Variants in SYT2 observed in about 807,000 individuals in gnomAD.
SYT2 encodes the protein synaptotagmin 2, also known as synaptotagmin-2.
Under a neutral mutation model 39.9 loss-of-function variants are expected in SYT2, and 15 were observed. The ratio of observed to expected loss-of-function variants is 0.38; its 90% CI spans 0.25 to 0.58. The LOEUF (loss-of-function observed/expected upper bound fraction) is 0.58. SYT2 is among the 20% of genes least tolerant of loss of function. SYT2 has a pLI of 0.70. For synonymous variants in SYT2, 181 were observed against 204.5 expected, an observed-to-expected ratio of 0.89 and a Z score of 0.98; for missense variants, 389 against 530.3, an observed-to-expected ratio of 0.73 and a Z score of 2.62.
chr1:202,683,752 A>AG (rs956962166), intron 1 of SYT2, among the ~76,000 whole-genome samples: 13 of 151,370 alleles, frequency 8.6e-5, no homozygotes, highest in African/African-American at 3.2e-4. Flanking sequence ...AAAAAAAAAA[A>AG]AAAAAGAGTG....
rs543839160 is a variant in SYT2, at chr1:202,681,109, G to A, written c.-18+29149C>T. Among the ~76,000 whole-genome samples the A allele has an allele frequency of 2.0e-5, 3 of 151,602 alleles. No homozygotes were observed. The South Asian group carries it at 6.3e-4, about 32-fold the overall frequency. The stretch of plus-strand genomic sequence containing the variant: ...TCCTCCCCACCCCTGGTCCCACCCT[G>A]GCTCCTGGTCTCACCTAGATCAAGC... On this transcript the variant is annotated intron_variant, in intron 1 of 8. Transcript: ENST00000367268.
At chr1:202,696,930 A>C (rs1440618503) in intron 1 of SYT2, among the ~76,000 whole-genome samples, 1 of 151,254 alleles carries the variant, frequency 6.6e-6, no homozygotes, top group Non-Finnish European at 1.5e-5. Flanking sequence ...CCTCCCCATC[A>C]CCTCTCCCCC....
chr1:202,673,238 A>G (rs1030000883), intron 1 of SYT2, among the ~76,000 whole-genome samples: 8 of 152,226 alleles, frequency 5.3e-5, no homozygotes, highest in African/African-American at 1.9e-4. Flanking sequence ...TGTCTGAACT[A>G]TAAGTACTAT....
At chr1:202,671,565 G>A (rs901724807) in intron 1 of SYT2, among the ~76,000 whole-genome samples, 1 of 152,248 alleles carries the variant, frequency 6.6e-6, no homozygotes, top group Non-Finnish European at 1.5e-5. Flanking sequence ...GAGGGCATTT[G>A]TCCCTCAGGA....
At chr1:202,622,554 C>CA (rs200023361) in intron 1 of SYT2, among the ~76,000 whole-genome samples, 12,967 of 152,240 alleles carry the variant, frequency 0.085, 883 homozygotes, top group African/African-American at 0.18. Flanking sequence ...TCGCTGAGAT[C>CA]AGCAATTCCA....
intron 1 of SYT2, among the ~76,000 whole-genome samples, chr1:202,621,924 A>ATG (rs1001267497): frequency 2.8e-4 from 43 of 152,262 alleles, no homozygotes; most frequent in African/African-American, 9.4e-4. Flanking sequence ...AAAAGCATAT[A>ATG]TGTGTGTGTG....
chr1:202,678,153 G>A (rs777896059), intron 1 of SYT2, among the ~76,000 whole-genome samples: 26 of 151,714 alleles, frequency 1.7e-4, no homozygotes, highest in South Asian at 1.0e-3. Flanking sequence ...AGGCATCTGT[G>A]ATCCCAGCTA....
intron 1 of SYT2, among the ~76,000 whole-genome samples, chr1:202,705,622 C>G (rs971805371): frequency 6.6e-6 from 1 of 152,166 alleles, no homozygotes; most frequent in Non-Finnish European, 1.5e-5. Context: ...ATCTAACCTC[C>G]TCCCTGGCAC....
chr1:202,698,931 G>A (rs551022981), intron 1 of SYT2, among the ~76,000 whole-genome samples: 1 of 151,682 alleles, frequency 6.6e-6, no homozygotes, highest in South Asian at 2.1e-4. Context: ...ATTTGTGGAG[G>A]ATTTCAGTTC....
At chr1:202,652,161 A>C (rs201216805) in intron 1 of SYT2, among the ~76,000 whole-genome samples, 12 of 152,204 alleles carry the variant, frequency 7.9e-5, no homozygotes, top group Admixed American at 6.5e-4. Flanking sequence ...GGCTGATGCC[A>C]GTGGAAGGGG....
chr1:202,678,888 A>G (rs1293890667), intron 1 of SYT2, among the ~76,000 whole-genome samples: 1 of 151,616 alleles, frequency 6.6e-6, no homozygotes, highest in African/African-American at 2.4e-5. Flanking sequence ...CCCCCACCCA[A>G]CTACTGACCC....
At chr1:202,681,178 G>A (rs1653516635) in intron 1 of SYT2, among the ~76,000 whole-genome samples, 1 of 151,834 alleles carries the variant, frequency 6.6e-6, no homozygotes, top group African/African-American at 2.4e-5. Context: ...GCCATAAGAA[G>A]CTCACTTTCC....
At chr1:202,669,757 CAAA>C (rs796796757) in intron 1 of SYT2, among the ~76,000 whole-genome samples, 11 of 84,054 alleles carry the variant, frequency 1.3e-4, no homozygotes, top group Admixed American at 1.3e-4. Flanking sequence ...GACCCTGTCT[CAAA>C]AAAAAAAAAA....
chr1:202,603,174 G>T, intron 3 of SYT2, 56 bp from the exon 4 acceptor site: 2 of 1,603,928 alleles, frequency 1.2e-6, no homozygotes, highest in Non-Finnish European at 1.7e-6. Flanking sequence ...CGAGAAGTCT[G>T]GCTTAGCACA....
chr1:202,617,899 G>C (rs903747638), intron 1 of SYT2, among the ~76,000 whole-genome samples: 1 of 152,114 alleles, frequency 6.6e-6, no homozygotes, highest in Non-Finnish European at 1.5e-5. Flanking sequence ...ACTTGTTTAC[G>C]CATTTTTTGT....
Position 202,674,803 on chromosome 1 carries a change from G to A in SYT2, c.-18+35455C>T, listed in dbSNP as rs563168160. Reference sequence around the variant, plus strand: ...TCTCTCACCTTCACACACTGCTCTGGTCACACTGGCCTCCCACATGTCCCC... The same window carrying A: ...TCTCTCACCTTCACACACTGCTCTGATCACACTGGCCTCCCACATGTCCCC... On this transcript the variant is annotated intron_variant, in intron 1 of 8. Coordinates refer to ENST00000367268, the MANE Select transcript of SYT2 (RefSeq NM_177402.5). 1.3e-4 allele frequency among the ~76,000 whole-genome samples: 20 copies of A among 152,142 alleles called. No individual in the cohort carries two copies. The South Asian group carries it at 3.7e-3, about 28-fold the overall frequency.
intron 1 of SYT2, among the ~76,000 whole-genome samples, chr1:202,675,850 T>A (rs1425596940): frequency 6.6e-6 from 1 of 152,234 alleles, no homozygotes; most frequent in African/African-American, 2.4e-5. Flanking sequence ...GCTTGAATAG[T>A]AATCATTCCT....
chr1:202,633,708 CAGTG>C (rs1691661664), intron 1 of SYT2, among the ~76,000 whole-genome samples: 1 of 152,162 alleles, frequency 6.6e-6, no homozygotes, highest in South Asian at 2.1e-4. Context: ...GGTGAGAGGC[CAGTG>C]AGAGAGCCAG....
intron 1 of SYT2, among the ~76,000 whole-genome samples, chr1:202,649,540 A>C (rs1379096476): frequency 6.6e-6 from 1 of 152,220 alleles, no homozygotes; most frequent in East Asian, 1.9e-4. Flanking sequence ...ACTGAGGTAA[A>C]GAGAGGTAAA....
Sources: gnomAD v4.1 joint callset for allele counts (sites outside exome capture counted in the v4.1 genomes callset) on GRCh38, gnomAD v4.1.1 for gene constraint, MANE v1.5 for transcripts, NCBI Gene and HGNC (gene_info 2026-07-23, HGNC 2026-07-21) for gene names.